GNA11: variants seen among roughly 807,000 people sequenced by gnomAD.
GNA11 encodes the protein G protein subunit alpha 11, also known as guanine nucleotide-binding protein subunit alpha-11.
GNA11 carries 8 observed loss-of-function variants against 38.2 expected under a neutral mutation model. That is an observed-to-expected ratio of 0.21 (90% confidence interval 0.12 to 0.38). GNA11 has a LOEUF of 0.38. Ranked by LOEUF, GNA11 falls within the 10% of genes least tolerant of loss-of-function variation. The pLI, the probability that GNA11 is intolerant of heterozygous loss-of-function variation, is 1.00. For missense variants in GNA11, 268 were observed against 516.3 expected, an observed-to-expected ratio of 0.52 and a Z score of 4.66; for synonymous variants, 211 against 221.4, an observed-to-expected ratio of 0.95 and a Z score of 0.42.
intron 1 of GNA11, among the ~76,000 whole-genome samples, chr19:3,098,428 G>A (rs902580262): frequency 1.3e-5 from 2 of 152,260 alleles, no homozygotes; most frequent in African/African-American, 4.8e-5. Flanking sequence ...TCGGCTGTTA[G>A]GTTTCCGTCT....
chr19:3,096,525 G>A (rs1011967062), intron 1 of GNA11, among the ~76,000 whole-genome samples: 1 of 152,208 alleles, frequency 6.6e-6, no homozygotes, highest in Non-Finnish European at 1.5e-5. Flanking sequence ...GGTCTTCTGT[G>A]CCTGCACTTT....
At chr19:3,104,981 C>T (rs1354504104) in intron 1 of GNA11, among the ~76,000 whole-genome samples, 2 of 151,962 alleles carry the variant, frequency 1.3e-5, no homozygotes, top group Non-Finnish European at 2.9e-5. Context: ...CCAGTGCCCA[C>T]GACGGCCTCC....
chr19:3,123,049 G>A lies in GNA11; in HGVS notation c.*1870G>A, dbSNP rs529741201. Reference sequence around the variant, plus strand: ...GTTGGTGCCAGAAGCCCCCCATGGCGAGTGCTGGGGCCCGGCGGTGCCCTG... The same window carrying A: ...GTTGGTGCCAGAAGCCCCCCATGGCAAGTGCTGGGGCCCGGCGGTGCCCTG... On this transcript the variant is annotated 3_prime_UTR_variant, in exon 7 of 7. Transcript: ENST00000078429. 38 of 233,396 alleles carry A rather than the reference G, an allele frequency of 1.6e-4. 1 individual carries two copies. The South Asian group carries it at 6.5e-3, about 40-fold the overall frequency. 14.5% of individuals were successfully genotyped at this position (233,396 alleles called of 1,614,324 possible). A position where few individuals can be genotyped will look rare whatever the true frequency, so the allele number is the denominator to read the frequency against.
chr19:3,107,967 G>T (rs557939510), intron 1 of GNA11, among the ~76,000 whole-genome samples: 1 of 152,334 alleles, frequency 6.6e-6, no homozygotes, highest in African/African-American at 2.4e-5. Flanking sequence ...GGGTGGGTTT[G>T]ACCTTTTGTG....
rs1277269303 is a variant in GNA11 at position 3,120,639 on chromosome 19, G to A, written c.890-350G>A. Among the ~76,000 whole-genome samples, 3 of 152,186 alleles carry A rather than the reference G, an allele frequency of 2.0e-5. No homozygotes were observed. Among genetic ancestry groups the A allele is most frequent in the Non-Finnish European group, 1.5e-5 (1 of 68,002 alleles). The stretch of plus-strand genomic sequence containing the variant: ...CCTGGGGGCCTCTCCTCTCACCCTG[G>A]GCCTTCGCAGGGCAGCCATGCCAGA... On this transcript the variant is annotated intron_variant, in intron 6 of 6. Transcript: ENST00000078429. This position sits in a 1 kb window ranked among gnomAD's most constrained non-coding sequence, Gnocchi z 5.9.
At chr19:3,105,291 G>T (rs150345288) in intron 1 of GNA11, among the ~76,000 whole-genome samples, 1 of 151,978 alleles carries the variant, frequency 6.6e-6, no homozygotes, top group Admixed American at 6.6e-5. Flanking sequence ...CAGTCAGCTC[G>T]GGCTGCTGTG....
At chr19:3,112,324 G>T (rs1257423325) in intron 2 of GNA11, among the ~76,000 whole-genome samples, 1 of 152,216 alleles carries the variant, frequency 6.6e-6, no homozygotes, top group Non-Finnish European at 1.5e-5. Flanking sequence ...GGGGCAGGGA[G>T]CGTTGCTCAG....
intron 1 of GNA11, among the ~76,000 whole-genome samples, chr19:3,096,318 T>A (rs559432058): frequency 4.9e-4 from 75 of 152,140 alleles, no homozygotes; most frequent in Non-Finnish European, 9.7e-4. Flanking sequence ...GTCCTCACGT[T>A]TGGAGGAAAT....
intron 1 of GNA11, among the ~76,000 whole-genome samples, chr19:3,107,082 C>A (rs1425457075): frequency 6.6e-6 from 1 of 152,194 alleles, no homozygotes; most frequent in Admixed American, 6.5e-5. Flanking sequence ...ACTAAAAATA[C>A]AAAATTAGCC....
At chr19:3,106,989 C>T (rs565735033) in intron 1 of GNA11, among the ~76,000 whole-genome samples, 2 of 152,202 alleles carry the variant, frequency 1.3e-5, no homozygotes, top group South Asian at 2.1e-4. Flanking sequence ...GTAATCCCAG[C>T]GCTTTGGGAA....
intron 2 of GNA11, among the ~76,000 whole-genome samples, chr19:3,112,330 C>T (rs186158636): frequency 6.6e-6 from 1 of 152,314 alleles, no homozygotes; most frequent in Non-Finnish European, 1.5e-5. Flanking sequence ...GGGAGCGTTG[C>T]TCAGAGGGGA....
At position 3,123,749 on chromosome 19, in the gene GNA11, A is replaced by G. The variant is rs902226780; in HGVS notation, c.*2570A>G. The G allele has an allele frequency of 5.6e-5, 13 of 232,580 alleles. No individual in the cohort carries two copies. Among genetic ancestry groups the G allele is most frequent in the African/African-American group, 2.9e-4 (13 of 45,406 alleles). The allele number at this position is 232,580 out of a possible 1,614,324, so 14.4% of individuals were successfully genotyped here. Reference sequence around the variant, plus strand: ...GATACTTGTATATTACACAGTCCTGATTTCAGACAATTTCAACCTTAATCT... The same window carrying G: ...GATACTTGTATATTACACAGTCCTGGTTTCAGACAATTTCAACCTTAATCT... On this transcript the variant is annotated 3_prime_UTR_variant, in exon 7 of 7. Transcript: ENST00000078429.
At chr19:3,109,078 C>G (rs375484324) in intron 1 of GNA11, among the ~76,000 whole-genome samples, 2 of 152,238 alleles carry the variant, frequency 1.3e-5, no homozygotes, top group African/African-American at 4.8e-5. Flanking sequence ...AGAAGCAGGT[C>G]ACTAAGTGTA....
rs1913312108 is a variant in GNA11, at chr19:3,094,561, C to T, written c.-91C>T. 2 of 503,336 alleles carry T rather than the reference C, an allele frequency of 4.0e-6. No homozygotes were observed. Among genetic ancestry groups the T allele is most frequent in the Non-Finnish European group, 5.0e-6 (2 of 396,368 alleles). 31.2% of individuals were successfully genotyped at this position (503,336 alleles called of 1,614,324 possible). On this transcript the variant is annotated 5_prime_UTR_variant, in exon 1 of 7. Transcript: ENST00000078429. This position sits in a 1 kb window ranked among gnomAD's most constrained non-coding sequence, Gnocchi z 6.0. ...GGTGGCCGAGGCCGGAGGGCCGCGG[C>T]GGGCGGCGGCCGAGGCGGCTCCGGC...
chr19:3,113,848 A>T (rs1913841911), intron 3 of GNA11, among the ~76,000 whole-genome samples: 1 of 152,004 alleles, frequency 6.6e-6, no homozygotes, highest in Non-Finnish European at 1.5e-5. Context: ...GGTAGACACA[A>T]CCTGGGCCGT....
At chr19:3,111,369 C>G (rs1913770598) in intron 2 of GNA11, among the ~76,000 whole-genome samples, 1 of 152,146 alleles carries the variant, frequency 6.6e-6, no homozygotes, top group Non-Finnish European at 1.5e-5. Flanking sequence ...CTTCCTGCCT[C>G]TGTGGATCGG....
chr19:3,115,331 G>A (rs1181071573), intron 4 of GNA11: 4 of 413,710 alleles, frequency 9.7e-6, no homozygotes, highest in Non-Finnish European at 1.8e-5. Context: ...CTCAAGCCCA[G>A]GAGGTTGAGG....
intron 1 of GNA11, among the ~76,000 whole-genome samples, chr19:3,102,590 G>A (rs537028925): frequency 6.6e-6 from 1 of 152,308 alleles, no homozygotes; most frequent in South Asian, 2.1e-4. Context: ...CTGCCATTAG[G>A]GGTCGTGTGA....
intron 2 of GNA11, among the ~76,000 whole-genome samples, chr19:3,112,344 G>A (rs1913794142): frequency 6.6e-6 from 1 of 152,204 alleles, no homozygotes. Context: ...GAGGGGACAA[G>A]CAAGGGCTGA....
Sources: allele counts gnomAD v4.1 joint callset (sites outside exome capture counted in the v4.1 genomes callset), GRCh38; gene constraint gnomAD v4.1.1; non-coding constraint Gnocchi (gnomAD v3.1); transcripts MANE v1.5; gene names NCBI Gene and HGNC (gene_info 2026-07-23, HGNC 2026-07-21).